FAM228B: variants seen among roughly 807,000 people sequenced by gnomAD.
The protein encoded by FAM228B is protein FAM228B.
FAM228B carries 38 observed loss-of-function variants against 42.6 expected under a neutral mutation model. The ratio of observed to expected loss-of-function variants is 0.89; its 90% CI spans 0.69 to 1.17. The LOEUF (loss-of-function observed/expected upper bound fraction) is 1.17, where lower values mean the gene tolerates loss of function less well. Ranked by LOEUF, FAM228B falls within the 50% of genes most tolerant of loss-of-function variation. The pLI, the probability that FAM228B is intolerant of heterozygous loss-of-function variation, is 0.00. For missense variants in FAM228B, 344 were observed against 367.3 expected (o/e 0.94, Z 0.52); for synonymous variants, 109 against 122.3 (o/e 0.89, Z 0.72).
At position 24,139,396 on chromosome 2, in the gene FAM228B, T is replaced by C. The variant is rs906774346; in HGVS notation, c.387T>C (p.Asp129=). Residue 129 remains aspartate (D), a synonymous_variant, in exon 5 of 11, where the codon GAT becomes GAC. Transcript: ENST00000615575. ...KKGNAFIEHY[D]PKEYDPFYMS... ...GAAATGCATTTATAGAACATTATGA[T>C]CCAAAAGAGTATGATCCCTTTTATA... The C allele has an allele frequency of 1.3e-6, 2 of 1,546,842 alleles. No individual in the cohort carries two copies. The highest frequency in any genetic ancestry group is 2.0e-5 in the Admixed American group (1 of 50,898).
At position 24,135,117 on chromosome 2, in the gene FAM228B, A is replaced by T; in HGVS notation, c.100-2A>T. ...TTTCAAAGTTTAATTCTGTCCTTTCAGGTTTTAGCTAAAGAAGATACTGAG... is the reference window on the plus strand; with the variant it reads ...TTTCAAAGTTTAATTCTGTCCTTTCTGGTTTTAGCTAAAGAAGATACTGAG... On this transcript the variant is annotated splice_acceptor_variant, in intron 2 of 10. Coordinates refer to ENST00000615575, the MANE Select transcript of FAM228B (RefSeq NM_001145710.2). LOFTEE classifies it high-confidence loss of function. 6.7e-7 allele frequency: 1 copy of T among 1,481,948 alleles called. No individual in the cohort carries two copies. 91.8% of individuals were successfully genotyped at this position (1,481,948 alleles called of 1,614,324 possible). A position where few individuals can be genotyped will look rare whatever the true frequency, so the allele number is the denominator to read the frequency against.
intron 4 of FAM228B, 104 bp downstream of exon 4, chr2:24,138,204 T>G (rs1440364150): frequency 1.2e-6 from 1 of 823,740 alleles, no homozygotes; most frequent in Non-Finnish European, 1.9e-6. Flanking sequence ...CCTCTACATA[T>G]GTATCATCTA....
intron 1 of FAM228B, chr2:24,079,299 G>T: frequency 1.3e-6 from 1 of 796,522 alleles, no homozygotes; most frequent in Non-Finnish European, 2.0e-6. Flanking sequence ...CTGAAATCGG[G>T]TTCCCTCTTT....
At chr2:24,168,021 T>C in intron 10 of FAM228B, 1 of 266,112 alleles carries the variant, frequency 3.8e-6, no homozygotes, top group South Asian at 5.2e-5. Context: ...GAACTGCCAC[T>C]ACTTCATTCT....
chr2:24,165,340 TG>T (rs1399354619), intron 9 of FAM228B: 4 of 471,152 alleles, frequency 8.5e-6, no homozygotes, highest in South Asian at 6.2e-5. Context: ...CACAGTATTC[TG>T]GGATACATAT....
chr2:24,093,551 T>C (rs1410876581), intron 2 of FAM228B, among the ~76,000 whole-genome samples: 4 of 152,314 alleles, frequency 2.6e-5, no homozygotes, highest in East Asian at 1.9e-4. Flanking sequence ...CACTCTATCA[T>C]TGATGGGCAT....
chr2:24,108,639 T>C (rs1411306653), intron 3 of FAM228B, among the ~76,000 whole-genome samples: 3 of 152,180 alleles, frequency 2.0e-5, no homozygotes, highest in African/African-American at 7.2e-5. Context: ...CAGTGGCTCA[T>C]GCCTGTAATC....
intron 7 of FAM228B, among the ~76,000 whole-genome samples, chr2:24,157,867 C>A (rs1243335958): frequency 6.6e-6 from 1 of 152,128 alleles, no homozygotes; most frequent in Non-Finnish European, 1.5e-5. Context: ...AGGTTGAAAA[C>A]CACTTATTTA....
chr2:24,087,256 T>A (rs1172757939), intron 2 of FAM228B: 1 of 152,166 alleles, frequency 6.6e-6, no homozygotes, highest in African/African-American at 2.4e-5. Flanking sequence ...TTTCTTTTGT[T>A]TTTAACTAGA....
At chr2:24,086,435 A>G (rs1479697483) in intron 2 of FAM228B, among the ~76,000 whole-genome samples, 1 of 152,116 alleles carries the variant, frequency 6.6e-6, no homozygotes, top group Non-Finnish European at 1.5e-5. Flanking sequence ...ACAAGTGTGG[A>G]AAGAATAAGT....
At chr2:24,147,193 T>C in intron 7 of FAM228B, 107 bp downstream of exon 7, 1 of 736,072 alleles carries the variant, frequency 1.4e-6, no homozygotes, top group Middle Eastern at 4.4e-4. Flanking sequence ...ATCATTTTTC[T>C]TTTTTTTTGA....
intron 2 of FAM228B, among the ~76,000 whole-genome samples, chr2:24,090,562 C>CAAAAAAAA (rs58611623): frequency 1.2e-5 from 1 of 81,652 alleles, no homozygotes; most frequent in African/African-American, 5.2e-5. Context: ...CCTCCCATCT[C>CAAAAAAAA]AAAAAAAAAA....
intron 3 of FAM228B, among the ~76,000 whole-genome samples, chr2:24,100,311 T>G (rs1280872195): frequency 1.3e-5 from 2 of 152,146 alleles, no homozygotes; most frequent in African/African-American, 4.8e-5. Context: ...CAAAAGAAAC[T>G]ACCATCAGAG....
intron 2 of FAM228B, chr2:24,082,904 G>C (rs770801239): frequency 1.2e-6 from 2 of 1,610,058 alleles, no homozygotes; most frequent in South Asian, 1.1e-5. Flanking sequence ...GTAACAGCTG[G>C]AAGGCGGTGA....
Position 24,169,055 on chromosome 2 carries a change from C to T in FAM228B, c.*15-301C>T, listed in dbSNP as rs1260024459. On this transcript the variant is annotated intron_variant, in intron 10 of 10. Transcript: ENST00000615575. This position sits in a 1 kb window ranked among gnomAD's most constrained non-coding sequence, Gnocchi z 4.2. ...TCCAAGTGGAAATTAGTACTCCAAACATGTTGACATCTGAAAGCTGAGACC... is the reference window on the plus strand; with the variant it reads ...TCCAAGTGGAAATTAGTACTCCAAATATGTTGACATCTGAAAGCTGAGACC... 6.6e-6 allele frequency among the ~76,000 whole-genome samples: 1 copy of T among 152,206 alleles called. No individual in the cohort carries two copies. The highest frequency in any genetic ancestry group is 1.5e-5 in the Non-Finnish European group (1 of 68,050).
chr2:24,155,024 A>G (rs1031406272), intron 7 of FAM228B, among the ~76,000 whole-genome samples: 5 of 152,206 alleles, frequency 3.3e-5, no homozygotes, highest in South Asian at 2.1e-4. Context: ...TTTGAGCATC[A>G]TAATCCTAGC....
At chr2:24,083,128 G>A (rs1165133175) in intron 2 of FAM228B, 30 of 1,612,986 alleles carry the variant, frequency 1.9e-5, no homozygotes, top group Non-Finnish European at 2.4e-5. Context: ...CTGGCTCCTG[G>A]AGGTGGGTCA....
At chr2:24,143,077 A>G (rs947631703) in intron 5 of FAM228B, among the ~76,000 whole-genome samples, 2 of 152,158 alleles carry the variant, frequency 1.3e-5, no homozygotes, top group Non-Finnish European at 2.9e-5. Context: ...TTAAGAAACT[A>G]CCTCTTACTG....
intron 2 of FAM228B, among the ~76,000 whole-genome samples, chr2:24,089,587 A>G (rs1330106745): frequency 2.0e-5 from 3 of 152,094 alleles, no homozygotes; most frequent in Non-Finnish European, 4.4e-5. Context: ...CCTTCCTGCC[A>G]CCCACAGATA....
Sources: allele counts gnomAD v4.1 joint callset (sites outside exome capture counted in the v4.1 genomes callset), GRCh38; gene constraint gnomAD v4.1.1; non-coding constraint Gnocchi (gnomAD v3.1); transcripts MANE v1.5; gene names NCBI Gene and HGNC (gene_info 2026-07-23, HGNC 2026-07-21).